Variants in PALS1 observed in about 807,000 individuals in gnomAD.
PALS1 encodes the protein protein associated with LIN7 1, MAGUK p55 family member.
Under a neutral mutation model 78.9 loss-of-function variants are expected in PALS1, and 31 were observed. That is an observed-to-expected ratio of 0.39 (90% CI 0.30 to 0.53). The LOEUF is 0.53. Ranked by LOEUF, PALS1 falls within the 20% of genes least tolerant of loss-of-function variation. The pLI, the probability that PALS1 is intolerant of heterozygous loss-of-function variation, is 0.67. For missense variants in PALS1, 704 were observed against 826.5 expected (o/e 0.85, Z 1.82); for synonymous variants, 276 against 270.9 (o/e 1.02, Z -0.18).
At chr14:67,242,290 C>A (rs986230916) in intron 1 of PALS1, among the ~76,000 whole-genome samples, 1 of 152,124 alleles carries the variant, frequency 6.6e-6, no homozygotes, top group Non-Finnish European at 1.5e-5. Context: ...AAATTAAAAT[C>A]TGATGGCTAG....
chr14:67,301,392 C>T lies in PALS1; in HGVS notation c.580C>T (p.Gln194Ter). 4 of 1,604,602 alleles carry T rather than the reference C, an allele frequency of 2.5e-6. No individual in the cohort carries two copies. Among genetic ancestry groups the T allele is most frequent in the Non-Finnish European group, 3.4e-6 (4 of 1,174,164 alleles). The change falls in exon 5 of 15, where the codon CAA becomes TAA. Residue 194 changes from glutamine to a stop codon, truncating the protein, a stop_gained. Coordinates refer to ENST00000261681, the MANE Select transcript of PALS1 (RefSeq NM_022474.4). LOFTEE classifies it high-confidence loss of function. The part of the protein sequence containing the change: ...SNAQDLAQEV[Q>*]TVLKPVHHKE... ...AATCTTTATTTTTGTTTCTTAGGTA[C>T]AAACTGTTTTGAAGCCAGTTCATCA... is the stretch of plus-strand genomic sequence containing the variant.
intron 14 of PALS1, among the ~76,000 whole-genome samples, chr14:67,328,167 C>T (rs548393923): frequency 4.1e-4 from 62 of 152,274 alleles, no homozygotes; most frequent in Non-Finnish European, 6.6e-4. Context: ...TTTTAATGAT[C>T]GCCATTCTAA....
chr14:67,258,132 G>A (rs1595565142), intron 1 of PALS1, among the ~76,000 whole-genome samples: 1 of 151,780 alleles, frequency 6.6e-6, no homozygotes, highest in Admixed American at 6.6e-5. Flanking sequence ...TTTCTAATAT[G>A]AGCATACATA....
At chr14:67,316,944 G>GT in intron 10 of PALS1, 41 bp downstream of exon 10, 1 of 1,496,170 alleles carries the variant, frequency 6.7e-7, no homozygotes, top group Non-Finnish European at 9.2e-7. Context: ...GGTTTCTTGG[G>GT]TCTTCATCTG....
chr14:67,282,089 T>C, intron 3 of PALS1, among the ~76,000 whole-genome samples: 1 of 152,188 alleles, frequency 6.6e-6, no homozygotes, highest in Middle Eastern at 3.2e-3. Flanking sequence ...CACAGATATC[T>C]GTTATGTAAG....
intron 14 of PALS1, among the ~76,000 whole-genome samples, chr14:67,326,772 T>C (rs762758382): frequency 5.3e-5 from 8 of 152,240 alleles, no homozygotes; most frequent in Non-Finnish European, 1.0e-4. Context: ...GTTTTTGAGA[T>C]TGATCTGTGT....
chr14:67,301,864 A>T, intron 5 of PALS1, 108 bp from the exon 6 acceptor site: 1 of 1,218,970 alleles, frequency 8.2e-7, no homozygotes. Flanking sequence ...ATTAATTATA[A>T]CACTTTTAAA....
chr14:67,292,360 G>C (rs1441563749), intron 3 of PALS1, 151 bp from the exon 4 acceptor site: 1 of 566,266 alleles, frequency 1.8e-6, no homozygotes, highest in East Asian at 2.9e-5. Context: ...TAAAACCTAT[G>C]AAATGACCAT....
chr14:67,302,370 ATTATTT>A (rs1444996711), intron 6 of PALS1, 34 bp from the exon 7 acceptor site: 1 of 1,289,660 alleles, frequency 7.8e-7, no homozygotes, highest in Non-Finnish European at 1.0e-6. Flanking sequence ...CAAAAATTGT[ATTATTT>A]TTATTTTTAA....
At chr14:67,247,116 A>C (rs1011322452) in intron 1 of PALS1, among the ~76,000 whole-genome samples, 1 of 152,210 alleles carries the variant, frequency 6.6e-6, no homozygotes, top group African/African-American at 2.4e-5. Flanking sequence ...GATTGTGTCT[A>C]ATTTAGAGAT....
At chr14:67,260,835 G>A (rs1053137587) in intron 1 of PALS1, among the ~76,000 whole-genome samples, 5 of 152,218 alleles carry the variant, frequency 3.3e-5, no homozygotes, top group African/African-American at 1.2e-4. Flanking sequence ...GAAATTGCAG[G>A]GCTCATATGG....
intron 3 of PALS1, among the ~76,000 whole-genome samples, chr14:67,284,438 A>AAAAAAC (rs1555520591): frequency 3.4e-5 from 5 of 145,720 alleles, no homozygotes; most frequent in Non-Finnish European, 6.1e-5. Flanking sequence ...TTAAAAAAAA[A>AAAAAAC]AAAAAACAGC....
chr14:67,254,031 C>CT (rs956936111), intron 1 of PALS1, among the ~76,000 whole-genome samples: 20 of 141,610 alleles, frequency 1.4e-4, no homozygotes, highest in African/African-American at 5.4e-4. Context: ...TTCATCCCCC[C>CT]CCCCTTACAA....
intron 13 of PALS1, among the ~76,000 whole-genome samples, chr14:67,321,879 CTA>C (rs2085269060): frequency 6.6e-6 from 1 of 152,022 alleles, no homozygotes; most frequent in Non-Finnish European, 1.5e-5. Context: ...TAATTTGAGT[CTA>C]TGAAATAATT....
At chr14:67,298,014 G>A (rs2084882358) in intron 4 of PALS1, among the ~76,000 whole-genome samples, 1 of 152,144 alleles carries the variant, frequency 6.6e-6, no homozygotes, top group African/African-American at 2.4e-5. Context: ...AGACAGCATG[G>A]TTTGTGCAGG....
intron 13 of PALS1, 71 bp from the exon 14 acceptor site, chr14:67,323,631 T>TCC: frequency 2.6e-6 from 1 of 384,932 alleles, no homozygotes; most frequent in Non-Finnish European, 4.5e-6. Context: ...TATATATATA[T>TCC]ATATATCAGT....
At position 67,320,318 on chromosome 14, in the gene PALS1, T is replaced by C. The variant is rs1566577704; in HGVS notation, c.1458T>C (p.Gly486=). ...ANRKRPIILI[G]PQNCGQNELR... ...GGAAGAGACCTATCATCTTGATTGG[T>C]CCACAGAACTGTGGCCAGAATGAAT... Residue 486 remains glycine (G), a synonymous_variant, in exon 12 of 15, where the codon GGT becomes GGC. Transcript: ENST00000261681. 2 of 1,613,804 alleles carry C rather than the reference T, an allele frequency of 1.2e-6. No homozygotes were observed. Among genetic ancestry groups the C allele is most frequent in the Non-Finnish European group, 1.7e-6 (2 of 1,179,928 alleles).
rs1339512676 is a variant in PALS1, at chr14:67,279,063, G to A, written c.-108G>A. On this transcript the variant is annotated 5_prime_UTR_variant, in exon 3 of 15. Coordinates refer to ENST00000261681, the MANE Select transcript of PALS1 (RefSeq NM_022474.4). Reference sequence around the variant, plus strand: ...TTCATAGCATTATTATGTGATGTGAGAAGTTTTTTTTTTTGAAGTAACATG... The same window carrying A: ...TTCATAGCATTATTATGTGATGTGAAAAGTTTTTTTTTTTGAAGTAACATG... The A allele has an allele frequency of 1.8e-6, 2 of 1,101,442 alleles. No homozygotes were observed. The highest frequency in any genetic ancestry group is 2.5e-6 in the Non-Finnish European group (2 of 808,512). The allele number at this position is 1,101,442 out of a possible 1,614,324, so 68.2% of individuals were successfully genotyped here.
chr14:67,293,098 TTA>T (rs369174885), intron 4 of PALS1, among the ~76,000 whole-genome samples: 2 of 152,238 alleles, frequency 1.3e-5, no homozygotes, highest in Admixed American at 6.5e-5. Context: ...TAATCAGGCA[TTA>T]TATAACGCCT....
Sources: allele counts gnomAD v4.1 joint callset (sites outside exome capture counted in the v4.1 genomes callset), GRCh38; gene constraint gnomAD v4.1.1; transcripts MANE v1.5; gene names NCBI Gene and HGNC (gene_info 2026-07-23, HGNC 2026-07-21).